Variants in PPARG observed in about 807,000 individuals in gnomAD.
PPARG encodes peroxisome proliferator activated receptor gamma.
In PPARG, 17 loss-of-function variants were observed where a neutral mutation model predicts 39.2. The observed-to-expected ratio is 0.43, with a 90% CI of 0.30 to 0.65. The LOEUF (loss-of-function observed/expected upper bound fraction) is 0.65, where lower values mean the gene tolerates loss of function less well. PPARG is among the 30% of genes least tolerant of loss of function. The probability of loss-of-function intolerance (pLI) is 0.13; values close to 1 mark genes in which losing one functional copy is unlikely to be tolerated. For synonymous variants in PPARG, 223 were observed against 215.7 expected (o/e 1.03, Z -0.30); for missense variants, 406 against 585.9 (o/e 0.69, Z 3.17).
intron 2 of PPARG, among the ~76,000 whole-genome samples, chr3:12,325,573 C>A (rs1023759345): frequency 6.6e-6 from 1 of 151,846 alleles, no homozygotes; most frequent in South Asian, 2.1e-4. Context: ...TGCACTCCAG[C>A]CTGGGGGACA....
chr3:12,389,415 C>T (rs752184343), intron 4 of PPARG, among the ~76,000 whole-genome samples: 20 of 152,166 alleles, frequency 1.3e-4, no homozygotes, highest in Non-Finnish European at 2.5e-4. Flanking sequence ...CATGCCCAAA[C>T]ACACTGCGGT....
At position 12,392,625 on chromosome 3, in the gene PPARG, G is replaced by A; in HGVS notation, c.402G>A (p.Arg134=). Residue 134 remains arginine, a synonymous_variant, in exon 5 of 8, where the codon CGG becomes CGA. Coordinates refer to ENST00000651735, the MANE Select transcript of PPARG (RefSeq NM_138711.6). ...HACEGCKGFF[R]RTIRLKLIYD... Reference sequence around the variant, plus strand: ...TTATCCCTTTGCAGGGTTTCTTCCGGAGAACAATCAGATTGAAGCTTATCT... The same window carrying A: ...TTATCCCTTTGCAGGGTTTCTTCCGAAGAACAATCAGATTGAAGCTTATCT... The A allele has an allele frequency of 6.2e-7, 1 of 1,613,804 alleles. No individual in the cohort carries two copies. The highest frequency in any genetic ancestry group is 8.5e-7 in the Non-Finnish European group (1 of 1,179,824).
chr3:12,296,970 C>T (rs1451389416), intron 1 of PPARG, among the ~76,000 whole-genome samples: 2 of 152,068 alleles, frequency 1.3e-5, no homozygotes, highest in East Asian at 3.8e-4. Context: ...AAGAGATTTA[C>T]ACTCATATAT....
intron 7 of PPARG, among the ~76,000 whole-genome samples, chr3:12,431,900 A>G (rs1381683049): frequency 6.6e-6 from 1 of 152,174 alleles, no homozygotes; most frequent in African/African-American, 2.4e-5. Context: ...TGATCATGCC[A>G]CTGCACTGGG....
rs568024916 is a variant in PPARG, at chr3:12,346,962, A to G, written c.-8-32742A>G. On this transcript the variant is annotated intron_variant, in intron 2 of 7. Coordinates refer to ENST00000651735, the MANE Select transcript of PPARG (RefSeq NM_138711.6). ...CATTATTTTCCTTTAAATCAAAATA[A>G]TATAATTGTTTAATATAATTATGTC... is the stretch of plus-strand genomic sequence containing the variant. 2.0e-5 allele frequency among the ~76,000 whole-genome samples: 3 copies of G among 152,268 alleles called. No homozygotes were observed. In the South Asian group the frequency reaches 6.2e-4, roughly 32 times the overall value.
At chr3:12,352,678 A>G (rs1010525343) in intron 2 of PPARG, among the ~76,000 whole-genome samples, 9 of 152,258 alleles carry the variant, frequency 5.9e-5, no homozygotes, top group African/African-American at 1.9e-4. Context: ...TAACCTTTTA[A>G]TTTTCCTGGA....
intron 2 of PPARG, among the ~76,000 whole-genome samples, chr3:12,351,196 A>G (rs1292220367): frequency 4.6e-5 from 7 of 152,218 alleles, no homozygotes; most frequent in African/African-American, 1.2e-4. Flanking sequence ...TTTTACAACA[A>G]TAAAAAATGC....
intron 4 of PPARG, among the ~76,000 whole-genome samples, chr3:12,390,638 T>TTTA (rs2050040945): frequency 5.5e-5 from 1 of 18,216 alleles, no homozygotes; most frequent in Non-Finnish European, 9.0e-5. Context: ...ATTTTCTTCC[T>TTTA]TTTTTTTTTT....
intron 4 of PPARG, among the ~76,000 whole-genome samples, chr3:12,385,343 G>T (rs1360149026): frequency 2.0e-5 from 3 of 152,138 alleles, no homozygotes; most frequent in Non-Finnish European, 4.4e-5. Context: ...AATGGAACAG[G>T]TTTATATTAG....
At chr3:12,352,558 G>A (rs2048521801) in intron 2 of PPARG, among the ~76,000 whole-genome samples, 1 of 151,964 alleles carries the variant, frequency 6.6e-6, no homozygotes, top group Admixed American at 6.5e-5. Context: ...TCTCTTCTCA[G>A]ATTCTGTGTA....
At chr3:12,344,633 A>G (rs1273829539) in intron 2 of PPARG, among the ~76,000 whole-genome samples, 3 of 152,226 alleles carry the variant, frequency 2.0e-5, no homozygotes, top group Admixed American at 6.5e-5. Flanking sequence ...TGAAGATTCC[A>G]TACTCTATAT....
At chr3:12,298,574 T>C (rs2046853037) in intron 1 of PPARG, among the ~76,000 whole-genome samples, 1 of 152,174 alleles carries the variant, frequency 6.6e-6, no homozygotes, top group South Asian at 2.1e-4. Context: ...TTTGTGAAAC[T>C]TGTGGCATGT....
At chr3:12,382,231 A>G (rs2049699057) in intron 4 of PPARG, among the ~76,000 whole-genome samples, 1 of 152,160 alleles carries the variant, frequency 6.6e-6, no homozygotes, top group South Asian at 2.1e-4. Flanking sequence ...GAGGTATAAC[A>G]GTGTGGGAAA....
intron 1 of PPARG, among the ~76,000 whole-genome samples, chr3:12,296,725 G>T (rs2046796375): frequency 6.6e-6 from 1 of 152,120 alleles, no homozygotes; most frequent in South Asian, 2.1e-4. Context: ...TTTTAGCTTA[G>T]CATGGCTGCT....
At chr3:12,381,215 G>GAAGA (rs750176737) in intron 3 of PPARG, 107 bp from the exon 4 acceptor site, 2 of 1,161,636 alleles carry the variant, frequency 1.7e-6, no homozygotes, top group Non-Finnish European at 2.5e-6. Context: ...CTTTTACACT[G>GAAGA]AAACAATACA....
intron 1 of PPARG, among the ~76,000 whole-genome samples, chr3:12,300,443 A>G (rs1236599788): frequency 6.6e-6 from 1 of 152,202 alleles, no homozygotes; most frequent in Non-Finnish European, 1.5e-5. Context: ...AGCCTGCTGT[A>G]TGATCTTTGA....
At chr3:12,357,469 A>AGT (rs1027873509) in intron 2 of PPARG, among the ~76,000 whole-genome samples, 1 of 152,098 alleles carries the variant, frequency 6.6e-6, no homozygotes, top group Non-Finnish European at 1.5e-5. Context: ...CTTACCTTAG[A>AGT]GTGAGGGTGA....
intron 7 of PPARG, among the ~76,000 whole-genome samples, chr3:12,423,497 GA>G (rs1189443021): frequency 1.3e-5 from 2 of 152,158 alleles, no homozygotes; most frequent in African/African-American, 2.4e-5. Context: ...CTTCTCTCTG[GA>G]ACAAAAGACA....
At chr3:12,287,740 G>A (rs1161835391), upstream of PPARG, 1 of 150,002 alleles carries the variant, frequency 6.7e-6, no homozygotes, top group African/African-American at 2.4e-5. Context: ...GGGCCCTACT[G>A]TGCGCGGGCG....
Sources: gnomAD v4.1 joint callset for allele counts (sites outside exome capture counted in the v4.1 genomes callset) on GRCh38, gnomAD v4.1.1 for gene constraint, MANE v1.5 for transcripts, NCBI Gene and HGNC (gene_info 2026-07-23, HGNC 2026-07-21) for gene names.